The following CHD6 variants were observed in gnomAD, a reference collection of about 807,000 sequenced individuals.
CHD6 encodes ATP-dependent chromatin remodeler CHD6.
A neutral mutation model predicts 276.9 loss-of-function variants in CHD6; 50 were observed. The observed-to-expected ratio is 0.18, with a 90% CI of 0.14 to 0.23. The LOEUF (loss-of-function observed/expected upper bound fraction) is 0.23. Ranked by LOEUF, CHD6 falls within the 10% of genes least tolerant of loss-of-function variation. The pLI, the probability that CHD6 is intolerant of heterozygous loss-of-function variation, is 1.00. For synonymous variants in CHD6, 1,173 were observed against 1,229.3 expected (o/e 0.95, Z 0.96); for missense variants, 2,564 against 3,365.8 (o/e 0.76, Z 5.89).
intron 1 of CHD6, among the ~76,000 whole-genome samples, chr20:41,570,095 T>C (rs1292621980): frequency 6.6e-6 from 1 of 152,252 alleles, no homozygotes; most frequent in Non-Finnish European, 1.5e-5. Context: ...AGAATACATG[T>C]GCAGAATGAG....
Position 41,412,180 on chromosome 20 carries a change from C to G in CHD6, c.7215G>C (p.Glu2405Asp). ...KLDVSSLSGE[E>D]RVPAIPKEPG... ...GCTCCTTGGGGATGGCAGGAACTCT[C>G]TCTTCCCCGCTCAGGGAGCTGACAT... is the stretch of plus-strand genomic sequence containing the variant. The change falls in exon 36 of 37, where the codon GAG becomes GAC. Residue 2405 changes from glutamate (E) to aspartate (D), a missense_variant. This residue lies in a region of CHD6 where 1,024 missense variants were observed against 1,047.9 expected (regional missense o/e 0.98). Transcript: ENST00000373233. The G allele has an allele frequency of 6.2e-7, 1 of 1,614,224 alleles. No homozygotes were observed. Among genetic ancestry groups the G allele is most frequent in the Non-Finnish European group, 8.5e-7 (1 of 1,180,036 alleles).
rs2046629117 is a variant in CHD6 at position 41,405,023 on chromosome 20, G to A, written c.7718C>T (p.Pro2573Leu). 6 of 1,614,066 alleles carry A rather than the reference G, an allele frequency of 3.7e-6. No homozygotes were observed. The highest frequency in any genetic ancestry group is 2.2e-5 in the East Asian group (1 of 44,902). Residue 2573 changes from proline to leucine, a missense_variant, in exon 37 of 37, where the codon CCG becomes CTG. Physicochemically the swap from Pro to Leu is moderately conservative, Grantham distance 98. Around this residue, in one of 7 missense-constraint regions of CHD6, gnomAD observed 238 missense variants for 266.0 expected, o/e 0.89. Transcript: ENST00000373233. Reference sequence around the variant, plus strand: ...GTCTGTTTTCACATCATGGCTACTCGGCTTGTCTTCCGCAGTCTTTTCAGT... The same window carrying A: ...GTCTGTTTTCACATCATGGCTACTCAGCTTGTCTTCCGCAGTCTTTTCAGT... ...AVTEKTAEDK[P>L]SSHDVKTDTL...
intron 2 of CHD6, among the ~76,000 whole-genome samples, chr20:41,535,489 T>C (rs561880722): frequency 4.6e-5 from 7 of 152,156 alleles, no homozygotes; most frequent in Non-Finnish European, 8.8e-5. Flanking sequence ...ACCCAATTCA[T>C]TGAGCATTGT....
chr20:41,573,732 G>C (rs1568710910), intron 1 of CHD6, among the ~76,000 whole-genome samples: 2 of 152,194 alleles, frequency 1.3e-5, no homozygotes, highest in African/African-American at 2.4e-5. Flanking sequence ...TGCGAGTTAA[G>C]AGACTGTATA....
chr20:41,575,609 C>T (rs151212053), intron 1 of CHD6, among the ~76,000 whole-genome samples: 23 of 152,256 alleles, frequency 1.5e-4, no homozygotes, highest in African/African-American at 4.8e-4. Flanking sequence ...ACACTGGAAC[C>T]GACCCCAACA....
chr20:41,534,579 G>C (rs779969639), intron 2 of CHD6, among the ~76,000 whole-genome samples: 26 of 151,744 alleles, frequency 1.7e-4, no homozygotes, highest in Non-Finnish European at 2.8e-4. Flanking sequence ...AAGATTTTTG[G>C]GGGGGCGGGG....
chr20:41,580,057 T>C (rs530402201), intron 1 of CHD6, among the ~76,000 whole-genome samples: 2 of 152,320 alleles, frequency 1.3e-5, no homozygotes, highest in Admixed American at 6.5e-5. Context: ...GACTATATCA[T>C]AGATTCATAG....
intron 36 of CHD6, among the ~76,000 whole-genome samples, chr20:41,406,547 G>A (rs2046681129): frequency 6.6e-6 from 1 of 152,218 alleles, no homozygotes; most frequent in African/African-American, 2.4e-5. Context: ...TGAGAGTGGA[G>A]CTCAGGAGCT....
intron 6 of CHD6, 100 bp from the exon 7 acceptor site, chr20:41,498,326 TA>T: frequency 1.2e-6 from 1 of 836,418 alleles, no homozygotes. Context: ...CTGATTTCCA[TA>T]AAGATTTCTT....
At chr20:41,426,007 A>G in intron 28 of CHD6, 86 bp downstream of exon 28, 1 of 1,008,016 alleles carries the variant, frequency 9.9e-7, no homozygotes, top group Non-Finnish European at 1.6e-6. Context: ...TCCTTAAAAA[A>G]CTACTTATTA....
intron 16 of CHD6, among the ~76,000 whole-genome samples, chr20:41,480,388 A>G (rs1331510960): frequency 6.6e-6 from 1 of 152,238 alleles, no homozygotes; most frequent in African/African-American, 2.4e-5. Context: ...ATAGGTGTAT[A>G]GAAAAATAAG....
chr20:41,454,823 T>C (rs2048336257), intron 19 of CHD6, 87 bp from the exon 20 acceptor site: 2 of 819,338 alleles, frequency 2.4e-6, no homozygotes, highest in Non-Finnish European at 3.9e-6. Flanking sequence ...GAAACCTAAG[T>C]ATATTATCTA....
At chr20:41,516,542 C>G (rs2044257066) in intron 3 of CHD6, among the ~76,000 whole-genome samples, 1 of 152,062 alleles carries the variant, frequency 6.6e-6, no homozygotes, top group Admixed American at 6.5e-5. Context: ...AGTTAGATTT[C>G]CAGGGCAACA....
At position 41,413,761 on chromosome 20, in the gene CHD6, T is replaced by C. The variant is rs373657252; in HGVS notation, c.6940-246A>G. 26 of 343,188 alleles carry C rather than the reference T, an allele frequency of 7.6e-5. No individual in the cohort carries two copies. The South Asian group carries it at 1.9e-3, about 25-fold the overall frequency. 21.3% of individuals were successfully genotyped at this position (343,188 alleles called of 1,614,324 possible). Reference sequence around the variant, plus strand: ...CCGCTCTTGTCCACTTGGTACACTTTAACTCCATCCTGACTGCCGGATTCA... The same window carrying C: ...CCGCTCTTGTCCACTTGGTACACTTCAACTCCATCCTGACTGCCGGATTCA... On this transcript the variant is annotated intron_variant, in intron 34 of 36. Coordinates refer to ENST00000373233, the MANE Select transcript of CHD6 (RefSeq NM_032221.5).
intron 17 of CHD6, among the ~76,000 whole-genome samples, chr20:41,468,773 G>C (rs747136822): frequency 6.6e-6 from 1 of 152,036 alleles, no homozygotes; most frequent in African/African-American, 2.4e-5. Context: ...TCAGCACTTC[G>C]GGAGGCTGAG....
chr20:41,456,990 T>C (rs1362551763), intron 18 of CHD6, among the ~76,000 whole-genome samples: 1 of 152,222 alleles, frequency 6.6e-6, no homozygotes, highest in African/African-American at 2.4e-5. Flanking sequence ...TACTGGCTTC[T>C]AACGGGCACA....
At chr20:41,521,831 C>G (rs2044405712) in intron 3 of CHD6, among the ~76,000 whole-genome samples, 1 of 152,148 alleles carries the variant, frequency 6.6e-6, no homozygotes, top group Non-Finnish European at 1.5e-5. Flanking sequence ...CATGGCATGT[C>G]AAAATGACAA....
At chr20:41,477,470 G>C (rs915482231) in intron 16 of CHD6, among the ~76,000 whole-genome samples, 1 of 151,424 alleles carries the variant, frequency 6.6e-6, no homozygotes, top group East Asian at 1.9e-4. Context: ...ATAAGACTTC[G>C]ATTATATGCC....
Position 41,416,761 on chromosome 20 carries a change from A to C in CHD6, c.6313T>G (p.Cys2105Gly). ...RVIINRLDNI[C>G]HVVLKGKWPS... Reference sequence around the variant, plus strand: ...CACTTCCCCTTTAACACCACGTGGCAGATATTATCTAGGCGGTTAATTATC... The same window carrying C: ...CACTTCCCCTTTAACACCACGTGGCCGATATTATCTAGGCGGTTAATTATC... Residue 2105 changes from cysteine to glycine, a missense_variant, in exon 33 of 37, where the codon TGC (cysteine) becomes GGC (glycine). Transcript: ENST00000373233. The C allele has an allele frequency of 6.2e-7, 1 of 1,606,720 alleles. No individual in the cohort carries two copies. The highest frequency in any genetic ancestry group is 8.5e-7 in the Non-Finnish European group (1 of 1,175,164).
Sources: allele counts gnomAD v4.1 joint callset (sites outside exome capture counted in the v4.1 genomes callset), GRCh38; gene constraint gnomAD v4.1.1; regional missense constraint gnomAD v4.1.1; transcripts MANE v1.5; gene names NCBI Gene and HGNC (gene_info 2026-07-23, HGNC 2026-07-21).